The following RIC1 variants were observed in gnomAD, a reference collection of about 807,000 sequenced individuals.
The protein encoded by RIC1 is RIC1 partner of RAB6A GEF complex, also known as guanine nucleotide exchange factor subunit RIC1.
In RIC1, 88 loss-of-function variants were observed where a neutral mutation model predicts 169.0. The observed-to-expected ratio is 0.52, with a 90% CI of 0.44 to 0.62. The LOEUF (loss-of-function observed/expected upper bound fraction) is 0.62. Ranked by LOEUF, RIC1 falls within the 20% of genes least tolerant of loss-of-function variation. The pLI, the probability that RIC1 is intolerant of heterozygous loss-of-function variation, is 0.00. For missense variants in RIC1, 1,877 were observed against 1,725.5 expected (o/e 1.09, Z -1.56); for synonymous variants, 790 against 601.5 (o/e 1.31, Z -4.59).
At chr9:5,669,674 C>T (rs916273752) in intron 2 of RIC1, among the ~76,000 whole-genome samples, 3 of 152,056 alleles carry the variant, frequency 2.0e-5, no homozygotes, top group South Asian at 2.1e-4. Context: ...TGGGGACTAT[C>T]GCAGTATATA....
chr9:5,630,700 A>G (rs996619847), intron 1 of RIC1, among the ~76,000 whole-genome samples: 2 of 152,226 alleles, frequency 1.3e-5, no homozygotes, highest in African/African-American at 2.4e-5. Flanking sequence ...CGTAATACCA[A>G]CAATATGACT....
chr9:5,679,724 C>G (rs1202123727), intron 2 of RIC1, among the ~76,000 whole-genome samples: 1 of 152,198 alleles, frequency 6.6e-6, no homozygotes, highest in Admixed American at 6.5e-5. Flanking sequence ...TGCTTATCAG[C>G]TTAAGGAGAT....
chr9:5,636,191 A>G (rs977016231), intron 1 of RIC1, among the ~76,000 whole-genome samples: 2 of 152,224 alleles, frequency 1.3e-5, no homozygotes, highest in African/African-American at 4.8e-5. Flanking sequence ...CATGAACATA[A>G]GATATCCAGC....
At chr9:5,720,775 T>A in intron 6 of RIC1, 25 bp downstream of exon 6, 6 of 1,548,074 alleles carry the variant, frequency 3.9e-6, no homozygotes, top group Non-Finnish European at 5.2e-6. Flanking sequence ...CTTTGAAGGG[T>A]TTTTTGTTAT....
At chr9:5,761,311 A>G (rs1379611437) in intron 17 of RIC1, among the ~76,000 whole-genome samples, 1 of 151,162 alleles carries the variant, frequency 6.6e-6, no homozygotes, top group Non-Finnish European at 1.5e-5. Context: ...ACGGGGTTTC[A>G]CCATTTTGGC....
intron 2 of RIC1, among the ~76,000 whole-genome samples, chr9:5,677,480 G>C (rs2130613500): frequency 6.6e-6 from 1 of 152,158 alleles, no homozygotes; most frequent in African/African-American, 2.4e-5. Context: ...TTGCACCTTT[G>C]TCAAAAATCA....
chr9:5,651,790 A>G (rs138854450), intron 1 of RIC1, among the ~76,000 whole-genome samples: 309 of 151,800 alleles, frequency 2.0e-3, no homozygotes, highest in African/African-American at 7.2e-3. Context: ...TTGGTCTCGA[A>G]CTCCTGATCT....
At chr9:5,739,722 G>A (rs1176714067) in intron 8 of RIC1, among the ~76,000 whole-genome samples, 2 of 152,164 alleles carry the variant, frequency 1.3e-5, no homozygotes, top group Non-Finnish European at 2.9e-5. Flanking sequence ...ATGGGTCCAG[G>A]AGGGGATGTT....
At chr9:5,651,241 C>T (rs1289568066) in intron 1 of RIC1, among the ~76,000 whole-genome samples, 1 of 152,184 alleles carries the variant, frequency 6.6e-6, no homozygotes, top group Admixed American at 6.5e-5. Flanking sequence ...AAAGGCCAAG[C>T]AAACAACCTT....
At chr9:5,637,534 G>T (rs558551024) in intron 1 of RIC1, among the ~76,000 whole-genome samples, 34 of 152,220 alleles carry the variant, frequency 2.2e-4, no homozygotes, top group African/African-American at 7.9e-4. Context: ...ACCCTGTTGT[G>T]CTATCAAATA....
chr9:5,714,709 ATGTT>A (rs1274003527), intron 4 of RIC1, among the ~76,000 whole-genome samples: 2 of 152,192 alleles, frequency 1.3e-5, no homozygotes, highest in Non-Finnish European at 2.9e-5. Context: ...TATGTTGCTA[ATGTT>A]TGTTTTTAAA....
In RIC1 at chr9:5,763,335, C is replaced by T; in HGVS notation, c.2308C>T (p.Leu770=). The T allele has an allele frequency of 6.2e-7, 1 of 1,614,200 alleles. No homozygotes were observed. Among genetic ancestry groups the T allele is most frequent in the Non-Finnish European group, 8.5e-7 (1 of 1,180,024 alleles). ...PHSFLSQRIM[L]PFHINIYPLA... ...TTCCTTCTTGTCCCAGCGGATCATG[C>T]TGCCTTTCCACATCAACATTTACCC... Residue 770 remains leucine, a synonymous_variant, in exon 19 of 26, where the codon CTG becomes TTG. Transcript: ENST00000414202. The surrounding 1 kb of genome is among the most constrained non-coding windows in gnomAD (Gnocchi z 5.2).
At chr9:5,715,031 C>T (rs890272846) in intron 4 of RIC1, among the ~76,000 whole-genome samples, 9 of 152,178 alleles carry the variant, frequency 5.9e-5, no homozygotes. Flanking sequence ...TGGGTATTGT[C>T]TTGCCTTGTT....
intron 2 of RIC1, among the ~76,000 whole-genome samples, chr9:5,682,972 C>T (rs201370032): frequency 1.1e-4 from 16 of 152,292 alleles, no homozygotes; most frequent in African/African-American, 2.6e-4. Context: ...CTGAGGCTTG[C>T]GCATTCGTCA....
intron 2 of RIC1, among the ~76,000 whole-genome samples, chr9:5,676,008 C>G (rs1820420247): frequency 6.6e-6 from 1 of 152,190 alleles, no homozygotes; most frequent in South Asian, 2.1e-4. Context: ...TTGGTCATTC[C>G]TGGGCCTAGG....
chr9:5,778,585 C>G (rs182842971), downstream of RIC1, among the ~76,000 whole-genome samples: 5 of 152,260 alleles, frequency 3.3e-5, no homozygotes, highest in East Asian at 9.6e-4. Context: ...TACAAAAATC[C>G]AAATCCCTTC....
intron 13 of RIC1, 27 bp downstream of exon 13, chr9:5,753,265 C>CT (rs1487925370): frequency 9.3e-6 from 15 of 1,606,658 alleles, no homozygotes; most frequent in Non-Finnish European, 1.3e-5. Flanking sequence ...TTGGTGTTAA[C>CT]TTTTGTTGAC....
At chr9:5,729,484 C>T (rs1005585165) in intron 6 of RIC1, among the ~76,000 whole-genome samples, 2 of 152,170 alleles carry the variant, frequency 1.3e-5, no homozygotes, top group African/African-American at 2.4e-5. Context: ...GTTAAGGATT[C>T]TACTCATTGA....
chr9:5,689,362 G>A (rs1460815255), intron 2 of RIC1, among the ~76,000 whole-genome samples: 2 of 152,016 alleles, frequency 1.3e-5, no homozygotes, highest in Non-Finnish European at 2.9e-5. Flanking sequence ...ACAATTTGTT[G>A]TTAAAAAATA....
Sources: allele counts gnomAD v4.1 joint callset (sites outside exome capture counted in the v4.1 genomes callset), GRCh38; gene constraint gnomAD v4.1.1; non-coding constraint Gnocchi (gnomAD v3.1); transcripts MANE v1.5; gene names NCBI Gene and HGNC (gene_info 2026-07-23, HGNC 2026-07-21).